Variants in SPAG16 observed in about 807,000 individuals in gnomAD.
The protein encoded by SPAG16 is sperm associated antigen 16, also known as sperm-associated antigen 16 protein.
A neutral mutation model predicts 80.4 loss-of-function variants in SPAG16; 86 were observed. That is an observed-to-expected ratio of 1.07 (90% CI 0.90 to 1.28). The LOEUF is 1.28. Ranked by LOEUF, SPAG16 falls within the 50% of genes most tolerant of loss-of-function variation. The pLI is 0.00. For synonymous variants in SPAG16, 294 were observed against 265.9 expected (o/e 1.11, Z -1.03); for missense variants, 870 against 765.3 (o/e 1.14, Z -1.61).
intron 1 of SPAG16, among the ~76,000 whole-genome samples, chr2:213,291,539 A>C (rs1195821213): frequency 6.6e-6 from 1 of 152,136 alleles, no homozygotes; most frequent in Non-Finnish European, 1.5e-5. Flanking sequence ...TTTCGTTTTG[A>C]GTCTGTAGCC....
At chr2:214,334,202 G>A (rs577022154) in intron 15 of SPAG16, among the ~76,000 whole-genome samples, 16 of 152,274 alleles carry the variant, frequency 1.1e-4, no homozygotes, top group African/African-American at 3.1e-4. Context: ...GGTTGATCAC[G>A]CTCTGATTTA....
chr2:213,580,063 C>A (rs1484745501), intron 10 of SPAG16, among the ~76,000 whole-genome samples: 1 of 151,938 alleles, frequency 6.6e-6, no homozygotes, highest in African/African-American at 2.4e-5. Flanking sequence ...AACTTCGTTC[C>A]CCCTGAAGCA....
At chr2:214,247,688 A>G (rs922632808) in intron 15 of SPAG16, among the ~76,000 whole-genome samples, 1 of 152,144 alleles carries the variant, frequency 6.6e-6, no homozygotes, top group African/African-American at 2.4e-5. Context: ...ATGGGAGGAC[A>G]GGTACATTTT....
chr2:213,927,310 GCT>G (rs2078526915), intron 11 of SPAG16, among the ~76,000 whole-genome samples: 1 of 152,178 alleles, frequency 6.6e-6, no homozygotes, highest in African/African-American at 2.4e-5. Context: ...ATTCACTTGT[GCT>G]CTTTTTGAGA....
At chr2:213,799,300 T>G (rs1195174118) in intron 10 of SPAG16, among the ~76,000 whole-genome samples, 1 of 152,188 alleles carries the variant, frequency 6.6e-6, no homozygotes, top group East Asian at 1.9e-4. Context: ...TTATTAAATT[T>G]ATTCCTAAAT....
At chr2:213,729,676 T>C (rs2066938801) in intron 10 of SPAG16, among the ~76,000 whole-genome samples, 4 of 152,334 alleles carry the variant, frequency 2.6e-5, no homozygotes, top group East Asian at 1.9e-4. Context: ...TACCGATTAA[T>C]GTAAAGTTGT....
intron 12 of SPAG16, among the ~76,000 whole-genome samples, chr2:213,986,170 T>A (rs2045990338): frequency 1.3e-5 from 2 of 151,888 alleles, no homozygotes; most frequent in Admixed American, 1.3e-4. Context: ...AAAGAGAAAG[T>A]GAGATTTGAG....
At position 214,292,738 on chromosome 2, in the gene SPAG16, T is replaced by A. The variant is rs7605203; in HGVS notation, c.1721-117402T>A. ...TTGCTTTTTGATGCTTCCTGTATCC[T>A]CACATTGATATCTGTGCATCTGGTG... On this transcript the variant is annotated intron_variant, in intron 15 of 15. Coordinates refer to ENST00000331683, the MANE Select transcript of SPAG16 (RefSeq NM_024532.5). Among the ~76,000 whole-genome samples the A allele has an allele frequency of 5.4e-3, 825 of 152,342 alleles. 10 individuals are homozygous for A. Among genetic ancestry groups the A allele is most frequent in the African/African-American group, 0.019 (784 of 41,576 alleles).
At chr2:213,815,807 T>G (rs571482356) in intron 10 of SPAG16, among the ~76,000 whole-genome samples, 6 of 152,240 alleles carry the variant, frequency 3.9e-5, no homozygotes, top group African/African-American at 1.4e-4. Context: ...TATTTATAAT[T>G]TGGTTCTCAT....
chr2:214,239,826 C>T (rs769516706), intron 15 of SPAG16: 1 of 151,978 alleles, frequency 6.6e-6, no homozygotes, highest in Admixed American at 6.6e-5. Flanking sequence ...ATTAAAGTAC[C>T]TGAAGTCAGC....
intron 10 of SPAG16, among the ~76,000 whole-genome samples, chr2:213,763,752 C>A (rs989548882): frequency 6.6e-6 from 1 of 152,012 alleles, no homozygotes; most frequent in African/African-American, 2.4e-5. Flanking sequence ...TGTGGAAAGA[C>A]CGTTCGTTGC....
At chr2:213,346,808 C>T (rs1056821515) in intron 6 of SPAG16, among the ~76,000 whole-genome samples, 247 of 148,996 alleles carry the variant, frequency 1.7e-3, no homozygotes, top group Non-Finnish European at 2.8e-3. Flanking sequence ...ATTTTTGCAT[C>T]GATGTTCATC....
At chr2:214,263,230 C>A (rs1691309196) in intron 15 of SPAG16, among the ~76,000 whole-genome samples, 1 of 152,200 alleles carries the variant, frequency 6.6e-6, no homozygotes, top group African/African-American at 2.4e-5. Context: ...GGTGCAATGA[C>A]CCCACACATG....
At chr2:214,379,838 C>CAAAG (rs934827885) in intron 15 of SPAG16, among the ~76,000 whole-genome samples, 2 of 150,990 alleles carry the variant, frequency 1.3e-5, no homozygotes, top group African/African-American at 4.9e-5. Context: ...TAACAAACAC[C>CAAAG]AAAGAGAATT....
chr2:213,956,070 G>C (rs1346237445), intron 12 of SPAG16, among the ~76,000 whole-genome samples: 2 of 151,892 alleles, frequency 1.3e-5, no homozygotes, highest in African/African-American at 4.8e-5. Flanking sequence ...CAATTCTCCT[G>C]CCTCAGCTTC....
intron 10 of SPAG16, among the ~76,000 whole-genome samples, chr2:213,566,511 G>A (rs1474597798): frequency 6.6e-6 from 1 of 152,098 alleles, no homozygotes; most frequent in East Asian, 1.9e-4. Flanking sequence ...ATCCAGCCAA[G>A]TATTGAGAGT....
At chr2:213,935,071 A>T (rs573123443) in intron 12 of SPAG16, among the ~76,000 whole-genome samples, 2 of 151,958 alleles carry the variant, frequency 1.3e-5, no homozygotes, top group Non-Finnish European at 2.9e-5. Flanking sequence ...GCGTGGTGGC[A>T]GGTGCCTGTA....
At chr2:214,232,676 T>A (rs1393167155) in intron 15 of SPAG16, among the ~76,000 whole-genome samples, 3 of 152,034 alleles carry the variant, frequency 2.0e-5, no homozygotes. Context: ...TAAATTTCTT[T>A]AAATATCTCT....
chr2:214,023,408 A>G (rs62191926), intron 13 of SPAG16, among the ~76,000 whole-genome samples: 1 of 25,302 alleles, frequency 4.0e-5, no homozygotes, highest in Non-Finnish European at 1.6e-4. Flanking sequence ...GGCATTCATT[A>G]AAAAAAAAAG....
Sources: gnomAD v4.1 joint callset for allele counts (sites outside exome capture counted in the v4.1 genomes callset) on GRCh38, gnomAD v4.1.1 for gene constraint, MANE v1.5 for transcripts, NCBI Gene and HGNC (gene_info 2026-07-23, HGNC 2026-07-21) for gene names.